The following TM9SF2 variants were observed in gnomAD, a reference collection of about 807,000 sequenced individuals.
The protein encoded by TM9SF2 is transmembrane 9 superfamily member 2.
TM9SF2 carries 13 observed loss-of-function variants against 84.9 expected under a neutral mutation model. The observed-to-expected ratio is 0.15, with a 90% CI of 0.10 to 0.24. The LOEUF (loss-of-function observed/expected upper bound fraction) is 0.24, where lower values mean the gene tolerates loss of function less well. Ranked by LOEUF, TM9SF2 falls within the 10% of genes least tolerant of loss-of-function variation. The pLI, the probability that TM9SF2 is intolerant of heterozygous loss-of-function variation, is 1.00. For missense variants in TM9SF2, 562 were observed against 818.5 expected (o/e 0.69, Z 3.82); for synonymous variants, 273 against 285.8 (o/e 0.96, Z 0.45).
chr13:99,519,171 A>G (rs1320079005), intron 2 of TM9SF2, among the ~76,000 whole-genome samples: 1 of 152,150 alleles, frequency 6.6e-6, no homozygotes, highest in African/African-American at 2.4e-5. Context: ...TCATCTAATT[A>G]TTGGATACTT....
intron 3 of TM9SF2, among the ~76,000 whole-genome samples, chr13:99,524,087 T>C (rs1200083683): frequency 1.3e-5 from 2 of 152,148 alleles, no homozygotes; most frequent in Non-Finnish European, 2.9e-5. Context: ...GACCACATTA[T>C]AGAATGACTC....
Position 99,536,541 on chromosome 13 carries a change from T to C in TM9SF2, c.462-67T>C. ...AATTTTACAAAGTGATGACACTGAT[T>C]TGGGCAGTAATTCTTTGTCATGTTT... On this transcript the variant is annotated intron_variant, in intron 4 of 16. Transcript: ENST00000376387. 3.2e-6 allele frequency: 5 copies of C among 1,562,156 alleles called. 1 individual carries two copies. In the South Asian group the frequency reaches 5.9e-5, roughly 18 times the overall value.
At position 99,529,518 on chromosome 13, in the gene TM9SF2, C is replaced by A; in HGVS notation, c.385C>A (p.His129Asn). The A allele has an allele frequency of 6.3e-7, 1 of 1,589,776 alleles. No individual in the cohort carries two copies. Among genetic ancestry groups the A allele is most frequent in the African/African-American group, 1.4e-5 (1 of 73,418 alleles). ...TCKLVCTKTY[H>N]TEKAEDKQKL... is the part of the protein sequence containing the mutation. Reference sequence around the variant, plus strand: ...TAAGCTTGTTTGTACAAAAACATACCATACAGAGAAAGCTGAAGACAAACA... The same window carrying A: ...TAAGCTTGTTTGTACAAAAACATACAATACAGAGAAAGCTGAAGACAAACA... The change falls in exon 4 of 17, where the codon CAT becomes AAT. Residue 129 changes from histidine (H) to asparagine (N), a missense_variant. Physicochemically the swap from His to Asn is moderately conservative, Grantham distance 68. Coordinates refer to ENST00000376387, the MANE Select transcript of TM9SF2 (RefSeq NM_004800.3).
chr13:99,558,784 G>A (rs1425817059), intron 15 of TM9SF2, among the ~76,000 whole-genome samples: 4 of 151,922 alleles, frequency 2.6e-5, no homozygotes, highest in Admixed American at 6.6e-5. Flanking sequence ...TTTGCTTTTC[G>A]AATATATTTG....
intron 2 of TM9SF2, among the ~76,000 whole-genome samples, chr13:99,518,967 C>T (rs938228545): frequency 5.9e-5 from 9 of 151,854 alleles, no homozygotes; most frequent in Non-Finnish European, 1.2e-4. Flanking sequence ...TTCATTTGAC[C>T]ATTGTATACC....
chr13:99,526,245 G>C (rs2046182957), intron 3 of TM9SF2, among the ~76,000 whole-genome samples: 1 of 152,230 alleles, frequency 6.6e-6, no homozygotes, highest in African/African-American at 2.4e-5. Flanking sequence ...CCAGCTGGTG[G>C]TTTGAAGTAA....
At chr13:99,541,217 TGAGTA>T (rs2046257648) in intron 8 of TM9SF2, among the ~76,000 whole-genome samples, 1 of 152,266 alleles carries the variant, frequency 6.6e-6, no homozygotes, top group South Asian at 2.1e-4. Context: ...ACTAATTTAC[TGAGTA>T]AAGTTGTTCT....
rs963826389 is a variant in TM9SF2, at chr13:99,541,466, T to A, written c.909-93T>A. The A allele has an allele frequency of 4.9e-6, 4 of 823,314 alleles. No individual in the cohort carries two copies. The African/African-American group carries it at 5.3e-5, about 11-fold the overall frequency. The allele number at this position is 823,314 out of a possible 1,614,324, so 51.0% of individuals were successfully genotyped here. A position where few individuals can be genotyped will look rare whatever the true frequency, so the allele number is the denominator to read the frequency against. On this transcript the variant is annotated intron_variant, in intron 8 of 16. Transcript: ENST00000376387. The stretch of plus-strand genomic sequence containing the variant: ...CTTTCATTTTGATTTTGATCAAGAC[T>A]GTTTTAATGTTACTCAATAAACAGT...
chr13:99,562,306 A>G (rs1451408390), intron 16 of TM9SF2, among the ~76,000 whole-genome samples: 1 of 152,232 alleles, frequency 6.6e-6, no homozygotes, highest in East Asian at 1.9e-4. Flanking sequence ...CCATTTAATC[A>G]TTATTTGAAC....
intron 1 of TM9SF2, among the ~76,000 whole-genome samples, chr13:99,510,831 G>T (rs1299495097): frequency 2.0e-5 from 3 of 152,134 alleles, no homozygotes; most frequent in African/African-American, 7.2e-5. Flanking sequence ...TTCTTTGAAG[G>T]CAAGTGTTCA....
At chr13:99,532,879 C>T (rs1234395056) in intron 4 of TM9SF2, among the ~76,000 whole-genome samples, 1 of 152,098 alleles carries the variant, frequency 6.6e-6, no homozygotes, top group Admixed American at 6.5e-5. Context: ...AAAAAATTAC[C>T]TGAGAAAGTG....
chr13:99,518,164 T>C (rs2139077720), intron 2 of TM9SF2, among the ~76,000 whole-genome samples: 1 of 152,368 alleles, frequency 6.6e-6, no homozygotes, highest in East Asian at 1.9e-4. Flanking sequence ...CAGGCTCAAG[T>C]ACAGTGGCGC....
intron 3 of TM9SF2, among the ~76,000 whole-genome samples, chr13:99,525,599 A>T (rs1242962473): frequency 7.1e-6 from 1 of 141,746 alleles, no homozygotes; most frequent in Non-Finnish European, 1.5e-5. Flanking sequence ...TCTGTAGCCC[A>T]GGCTGGAGTG....
At chr13:99,560,428 G>A (rs2046340141) in intron 16 of TM9SF2, among the ~76,000 whole-genome samples, 1 of 152,132 alleles carries the variant, frequency 6.6e-6, no homozygotes, top group Non-Finnish European at 1.5e-5. Flanking sequence ...TGGGGTGCGT[G>A]TCTTGGTGCT....
chr13:99,502,782 T>C (rs2046072384), intron 1 of TM9SF2, among the ~76,000 whole-genome samples: 1 of 152,228 alleles, frequency 6.6e-6, no homozygotes, highest in African/African-American at 2.4e-5. Context: ...TCAACAAACG[T>C]TTACAATCTA....
intron 16 of TM9SF2, among the ~76,000 whole-genome samples, chr13:99,561,897 C>T (rs2046346337): frequency 2.0e-5 from 3 of 152,320 alleles, no homozygotes; most frequent in Middle Eastern, 6.8e-3. Flanking sequence ...CCCTTTGAAC[C>T]TCATTTTTGT....
intron 1 of TM9SF2, among the ~76,000 whole-genome samples, chr13:99,515,607 T>A (rs1229589819): frequency 6.6e-6 from 1 of 152,220 alleles, no homozygotes; most frequent in Non-Finnish European, 1.5e-5. Flanking sequence ...ACTTCCCTCT[T>A]CTGAATATTA....
intron 6 of TM9SF2, 65 bp from the exon 7 acceptor site, chr13:99,539,381 A>C: frequency 1.0e-6 from 1 of 963,480 alleles, no homozygotes; most frequent in Admixed American, 1.9e-5. Flanking sequence ...AAAATCTGTA[A>C]CCTTTACCTC....
At chr13:99,526,688 A>T (rs2046185082) in intron 3 of TM9SF2, among the ~76,000 whole-genome samples, 1 of 152,202 alleles carries the variant, frequency 6.6e-6, no homozygotes, top group Admixed American at 6.5e-5. Context: ...GATGAAGACC[A>T]GAGTCGCTGG....
Sources: gnomAD v4.1 joint callset for allele counts (sites outside exome capture counted in the v4.1 genomes callset) on GRCh38, gnomAD v4.1.1 for gene constraint, MANE v1.5 for transcripts, NCBI Gene and HGNC (gene_info 2026-07-23, HGNC 2026-07-21) for gene names.